Variants in CEP104 observed in about 807,000 individuals in gnomAD.
The protein encoded by CEP104 is centrosomal protein of 104 kDa.
A neutral mutation model predicts 113.3 loss-of-function variants in CEP104; 84 were observed. The observed-to-expected ratio is 0.74, with a 90% CI of 0.62 to 0.89. The LOEUF is 0.89. Among genes scored for constraint, CEP104 ranks in the 40% least tolerant of loss-of-function variants. The pLI is 0.00. For missense variants in CEP104, 1,053 were observed against 1,156.6 expected (o/e 0.91, Z 1.30); for synonymous variants, 378 against 421.7 (o/e 0.90, Z 1.27).
chr1:3,837,552 T>C (rs775739678), intron 8 of CEP104, 33 bp from the exon 9 acceptor site: 14 of 1,544,804 alleles, frequency 9.1e-6, no homozygotes, highest in Non-Finnish European at 1.2e-5. Context: ...TAATTTCAAA[T>C]GCCACTGCCA....
intron 18 of CEP104, among the ~76,000 whole-genome samples, chr1:3,824,867 G>A (rs1303615309): frequency 3.4e-5 from 5 of 146,772 alleles, no homozygotes; most frequent in Admixed American, 6.7e-5. Context: ...CAGTGGCACC[G>A]TGGGAAGGGC....
At chr1:3,829,408 T>C in intron 14 of CEP104, 35 bp from the exon 15 acceptor site, 1 of 1,519,562 alleles carries the variant, frequency 6.6e-7, no homozygotes, top group Non-Finnish European at 9.0e-7. Context: ...TAGAACAGCT[T>C]GTTAGGGTAA....
chr1:3,829,994 A>G lies in CEP104; in HGVS notation c.1840T>C (p.Ser614Pro). 1 of 1,613,308 alleles carries G rather than the reference A, an allele frequency of 6.2e-7. No individual in the cohort carries two copies. Among genetic ancestry groups the G allele is most frequent in the Non-Finnish European group, 8.5e-7 (1 of 1,179,270 alleles). The change falls in exon 14 of 22, where the codon TCA (serine) becomes CCA (proline). Residue 614 changes from serine (S) to proline (P), a missense_variant. Ser to Pro is a moderately conservative substitution (Grantham distance 74). Coordinates refer to ENST00000378230, the MANE Select transcript of CEP104 (RefSeq NM_014704.4). Reference sequence around the variant, plus strand: ...ACTCTATGCTCCAGGGCACTCACTGAAAACTAAAGTTGGGAGGGGCTCTTG... The same window carrying G: ...ACTCTATGCTCCAGGGCACTCACTGGAAACTAAAGTTGGGAGGGGCTCTTG... The part of the protein sequence containing the change: ...GFTIDNVMKF[S>P]VSALEHRVYE...
At chr1:3,834,208 T>C (rs1287810276) in intron 11 of CEP104, among the ~76,000 whole-genome samples, 173 bp from the exon 12 acceptor site, 1 of 152,256 alleles carries the variant, frequency 6.6e-6, no homozygotes, top group Admixed American at 6.5e-5. Flanking sequence ...ACCTTGCATA[T>C]AGAGGACATA....
At chr1:3,832,114 G>C (rs1644219206) in intron 12 of CEP104, among the ~76,000 whole-genome samples, 1 of 152,196 alleles carries the variant, frequency 6.6e-6, no homozygotes, top group Non-Finnish European at 1.5e-5. Flanking sequence ...AATTAATGTG[G>C]CTTAAAAATA....
Position 3,823,469 on chromosome 1 carries a change from A to G in CEP104, c.2458T>C (p.Phe820Leu). The G allele has an allele frequency of 6.2e-7, 1 of 1,614,204 alleles. No homozygotes were observed. Among genetic ancestry groups the G allele is most frequent in the Non-Finnish European group, 8.5e-7 (1 of 1,180,030 alleles). ...GKCYRCSEAV[F>L]KEELPRHIKH... ...ATGTGTCTGGGCAGCTCTTCCTTGA[A>G]AACAGCCTCACTGCAACGGTAACAC... Residue 820 changes from phenylalanine to leucine, a missense_variant, in exon 19 of 22, where the codon TTC (phenylalanine) becomes CTC (leucine). Phe to Leu is a conservative substitution (Grantham distance 22). Transcript: ENST00000378230. The surrounding 1 kb of genome is among the most constrained non-coding windows in gnomAD (Gnocchi z 4.1).
intron 2 of CEP104, among the ~76,000 whole-genome samples, chr1:3,849,096 C>T (rs1373342528): frequency 2.6e-5 from 4 of 152,122 alleles, no homozygotes; most frequent in Non-Finnish European, 2.9e-5. Context: ...TCTTATGAGG[C>T]GGCACTAGTG....
chr1:3,822,955 C>T (rs1243072170), intron 20 of CEP104: 7 of 565,470 alleles, frequency 1.2e-5, no homozygotes, highest in African/African-American at 7.4e-5. Flanking sequence ...TGAGGCTCCT[C>T]GATAAACCAT....
intron 6 of CEP104, among the ~76,000 whole-genome samples, chr1:3,840,100 A>G (rs901595700): frequency 6.6e-6 from 1 of 152,226 alleles, no homozygotes; most frequent in African/African-American, 2.4e-5. Context: ...TAGGACAGTG[A>G]ATGTGAATCA....
intron 20 of CEP104, among the ~76,000 whole-genome samples, chr1:3,822,289 G>GAC (rs1643992485): frequency 6.6e-6 from 1 of 152,234 alleles, no homozygotes; most frequent in South Asian, 2.1e-4. Context: ...TAACTGGGTA[G>GAC]ACACCAGCGC....
chr1:3,843,768 G>A (rs1644457157), intron 6 of CEP104, among the ~76,000 whole-genome samples: 1 of 147,398 alleles, frequency 6.8e-6, no homozygotes, highest in South Asian at 2.1e-4. Flanking sequence ...TGTGGTGTGT[G>A]TTTTTTTTTT....
At chr1:3,834,553 C>A (rs559785381) in intron 11 of CEP104, among the ~76,000 whole-genome samples, 175 of 152,332 alleles carry the variant, frequency 1.1e-3, no homozygotes, top group African/African-American at 4.0e-3. Flanking sequence ...AAGGCCCATT[C>A]AGCATTAGAA....
chr1:3,844,053 A>G (rs1236525892), intron 6 of CEP104, among the ~76,000 whole-genome samples: 1 of 152,096 alleles, frequency 6.6e-6, no homozygotes, highest in African/African-American at 2.4e-5. Context: ...GAGCCACTGC[A>G]CCCGGCAAAA....
At chr1:3,847,412 T>A in intron 4 of CEP104, 63 bp downstream of exon 4, 1 of 1,442,578 alleles carries the variant, frequency 6.9e-7, no homozygotes, top group Non-Finnish European at 9.4e-7. Flanking sequence ...AAAAGATACG[T>A]GACCACATAA....
chr1:3,843,381 T>TTC, intron 6 of CEP104: 3 of 534,990 alleles, frequency 5.6e-6, no homozygotes, highest in Non-Finnish European at 1.0e-5. Context: ...GTATAATTTT[T>TTC]TTTTTTTTTT....
intron 10 of CEP104, among the ~76,000 whole-genome samples, 191 bp downstream of exon 10, chr1:3,836,304 C>CA (rs34181241): frequency 2.0e-4 from 23 of 115,082 alleles, no homozygotes; most frequent in South Asian, 5.5e-4. Flanking sequence ...GACTCCGTCT[C>CA]AAAAAAAAAA....
At position 3,819,823 on chromosome 1, in the gene CEP104, G is replaced by C. The variant is rs751392728; in HGVS notation, c.2571+3351C>G. On this transcript the variant is annotated intron_variant, in intron 20 of 21. Transcript: ENST00000378230. This position sits in a 1 kb window ranked among gnomAD's most constrained non-coding sequence, Gnocchi z 4.6. ...TTAGAAAGACGTGTCTCAGCAGGCT[G>C]GAGTGGCAGAGTCTCCTGCTGGCCT... Among the ~76,000 whole-genome samples the C allele has an allele frequency of 6.6e-6, 1 of 152,218 alleles. No individual in the cohort carries two copies. Among genetic ancestry groups the C allele is most frequent in the Non-Finnish European group, 1.5e-5 (1 of 68,044 alleles).
At chr1:3,829,689 A>C in intron 14 of CEP104, 102 bp downstream of exon 14, 1 of 1,239,770 alleles carries the variant, frequency 8.1e-7, no homozygotes, top group South Asian at 1.3e-5. Context: ...CTTCCCATAC[A>C]TGTGGCTCCT....
intron 15 of CEP104, 98 bp from the exon 16 acceptor site, chr1:3,826,842 G>A: frequency 8.3e-6 from 11 of 1,321,086 alleles, no homozygotes; most frequent in Non-Finnish European, 1.2e-5. Flanking sequence ...GCACATTTCT[G>A]GGTTTTGTTT....
Sources: gnomAD v4.1 joint callset for allele counts (sites outside exome capture counted in the v4.1 genomes callset) on GRCh38, gnomAD v4.1.1 for gene constraint, Gnocchi (gnomAD v3.1) non-coding constraint, MANE v1.5 for transcripts, NCBI Gene and HGNC (gene_info 2026-07-23, HGNC 2026-07-21) for gene names.